ZNF215: variants seen among roughly 807,000 people sequenced by gnomAD.
ZNF215 encodes zinc finger protein 215, also known as BWSCR2-associated zinc finger protein 2.
Under a neutral mutation model 27.2 loss-of-function variants are expected in ZNF215, and 24 were observed. That is an observed-to-expected ratio of 0.88 (90% CI 0.64 to 1.24). The LOEUF is 1.24. Among genes scored for constraint, ZNF215 ranks in the 50% most tolerant of loss-of-function variants. The pLI is 0.00. For synonymous variants in ZNF215, 210 were observed against 204.0 expected (o/e 1.03, Z -0.25); for missense variants, 675 against 605.7 (o/e 1.11, Z -1.20).
chr11:6,979,208 C>G (rs1484826173), intron 5 of ZNF215, among the ~76,000 whole-genome samples: 2 of 152,010 alleles, frequency 1.3e-5, no homozygotes, highest in African/African-American at 2.4e-5. Flanking sequence ...ATACTGTACT[C>G]TGAGTGACAT....
intron 6 of ZNF215, among the ~76,000 whole-genome samples, chr11:6,994,313 A>G (rs1328916141): frequency 6.6e-6 from 1 of 152,122 alleles, no homozygotes; most frequent in Non-Finnish European, 1.5e-5. Context: ...CCTCTGGTGA[A>G]TCATGAACTT....
downstream of ZNF215, among the ~76,000 whole-genome samples, chr11:6,987,071 C>T (rs966717207): frequency 2.6e-5 from 4 of 152,076 alleles, no homozygotes; most frequent in African/African-American, 7.2e-5. Context: ...TTTATCAAAA[C>T]GACACATGCA....
rs545336342 is a variant in ZNF215 at position 6,983,177 on chromosome 11, C to T, written c.806-952C>T. Among the ~76,000 whole-genome samples, 147 of 152,236 alleles carry T rather than the reference C, an allele frequency of 9.7e-4. 1 individual carries two copies. The highest frequency in any genetic ancestry group is 3.1e-3 in the African/African-American group (130 of 41,546). Reference sequence around the variant, plus strand: ...ATCTAGAAGAAATGGATAAACTCCTCGACACATACACCCTCCCAAGACTAA... The same window carrying T: ...ATCTAGAAGAAATGGATAAACTCCTTGACACATACACCCTCCCAAGACTAA... On this transcript the variant is annotated intron_variant, in intron 5 of 5. Coordinates refer to the ZNF215 transcript ENST00000529903.
chr11:6,983,080 C>A (rs1395500570), intron 5 of ZNF215, among the ~76,000 whole-genome samples: 3 of 151,838 alleles, frequency 2.0e-5, no homozygotes, highest in African/African-American at 7.3e-5. Flanking sequence ...GGGGATATCA[C>A]CACCGATTCC....
At chr11:6,968,458 T>C (rs754735838) in intron 5 of ZNF215, among the ~76,000 whole-genome samples, 1 of 152,038 alleles carries the variant, frequency 6.6e-6, no homozygotes, top group Non-Finnish European at 1.5e-5. Flanking sequence ...TATCTTATTA[T>C]ACATTTCATC....
At chr11:6,976,364 T>C (rs1401284509) in intron 5 of ZNF215, among the ~76,000 whole-genome samples, 1 of 152,014 alleles carries the variant, frequency 6.6e-6, no homozygotes, top group East Asian at 1.9e-4. Context: ...CCAAGGATGC[T>C]AAAAATAATA....
downstream of ZNF215, among the ~76,000 whole-genome samples, chr11:6,991,449 C>T (rs200027591): frequency 7.2e-5 from 11 of 152,328 alleles, no homozygotes; most frequent in East Asian, 5.8e-4. Context: ...AGTGCTCCCC[C>T]GCCCACCACA....
chr11:6,945,137 C>T (rs1336086184), intron 6 of ZNF215, among the ~76,000 whole-genome samples: 3 of 152,096 alleles, frequency 2.0e-5, no homozygotes, highest in African/African-American at 7.2e-5. Context: ...ATCTCTTTAT[C>T]ATCATCCTAG....
At chr11:6,961,729 G>A (rs565533588), downstream of ZNF215, among the ~76,000 whole-genome samples, 6 of 152,164 alleles carry the variant, frequency 3.9e-5, no homozygotes, top group South Asian at 4.1e-4. Flanking sequence ...TCTTCCATAT[G>A]TTCATTCCCT....
intron 4 of ZNF215, 124 bp from the exon 5 acceptor site, chr11:6,942,959 T>A: frequency 1.6e-5 from 22 of 1,388,822 alleles, no homozygotes; most frequent in Non-Finnish European, 2.1e-5. Flanking sequence ...AACATTGTCC[T>A]CAGACATTGT....
At chr11:6,961,601 G>A (rs889455792), downstream of ZNF215, among the ~76,000 whole-genome samples, 1 of 152,096 alleles carries the variant, frequency 6.6e-6, no homozygotes, top group Non-Finnish European at 1.5e-5. Context: ...TTTATGTTGA[G>A]TAGGGTTTGA....
At chr11:6,974,196 G>T (rs897117401) in intron 5 of ZNF215, among the ~76,000 whole-genome samples, 2 of 152,156 alleles carry the variant, frequency 1.3e-5, no homozygotes, top group African/African-American at 2.4e-5. Flanking sequence ...TCAAAGATCA[G>T]ATGGTTGTAG....
At position 6,956,720 on chromosome 11, in the gene ZNF215, C is replaced by G. The variant is rs1006003599; in HGVS notation, c.*189C>G. 3 of 1,378,176 alleles carry G rather than the reference C, an allele frequency of 2.2e-6. No individual in the cohort carries two copies. The highest frequency in any genetic ancestry group is 1.5e-5 in the African/African-American group (1 of 68,578). The allele number at this position is 1,378,176 out of a possible 1,614,324, so 85.4% of individuals were successfully genotyped here. A position where few individuals can be genotyped will look rare whatever the true frequency, so the allele number is the denominator to read the frequency against. Reference sequence around the variant, plus strand: ...TAGAAATCTGTTTGAAGGAATTTTCCTGGTTTTCAGATGAAGCCATAAGGC... The same window carrying G: ...TAGAAATCTGTTTGAAGGAATTTTCGTGGTTTTCAGATGAAGCCATAAGGC... On this transcript the variant is annotated 3_prime_UTR_variant, in exon 7 of 7. Transcript: ENST00000278319.
At chr11:6,950,825 A>G (rs1415338774) in intron 6 of ZNF215, among the ~76,000 whole-genome samples, 3 of 149,114 alleles carry the variant, frequency 2.0e-5, no homozygotes, top group East Asian at 2.0e-4. Context: ...TTCAAAGGCA[A>G]TGCTTCCAGT....
chr11:6,951,290 A>G (rs1292895590), intron 6 of ZNF215, among the ~76,000 whole-genome samples: 1 of 151,850 alleles, frequency 6.6e-6, no homozygotes, highest in Non-Finnish European at 1.5e-5. Flanking sequence ...ATTGATTGGA[A>G]TAGTTTCAGA....
chr11:6,954,561 G>C (rs925382498), intron 6 of ZNF215, among the ~76,000 whole-genome samples: 1 of 152,246 alleles, frequency 6.6e-6, no homozygotes, highest in Admixed American at 6.5e-5. Flanking sequence ...TAATCTCCTG[G>C]TGCGCCATTT....
At chr11:6,927,211 C>T (rs1009093036) in intron 1 of ZNF215, among the ~76,000 whole-genome samples, 3 of 152,158 alleles carry the variant, frequency 2.0e-5, no homozygotes, top group African/African-American at 7.2e-5. Context: ...CTTGTTTTCC[C>T]AGTCATTCCT....
At chr11:6,954,309 C>G (rs982662010) in intron 6 of ZNF215, among the ~76,000 whole-genome samples, 2 of 152,214 alleles carry the variant, frequency 1.3e-5, no homozygotes, top group Non-Finnish European at 2.9e-5. Context: ...TTACTGCTGT[C>G]TTTTTGTTTG....
At chr11:6,931,509 A>C (rs1012523628) in intron 2 of ZNF215, among the ~76,000 whole-genome samples, 1 of 152,142 alleles carries the variant, frequency 6.6e-6, no homozygotes, top group Non-Finnish European at 1.5e-5. Flanking sequence ...CGCCTAAGAC[A>C]TCCCTGGTGG....
Sources: gnomAD v4.1 joint callset for allele counts (sites outside exome capture counted in the v4.1 genomes callset) on GRCh38, gnomAD v4.1.1 for gene constraint, MANE v1.5 for transcripts, NCBI Gene and HGNC (gene_info 2026-07-23, HGNC 2026-07-21) for gene names.